The following HCN2 variants were observed in gnomAD, a reference collection of about 807,000 sequenced individuals.
HCN2 encodes hyperpolarization activated cyclic nucleotide gated potassium and sodium channel 2.
HCN2 carries 20 observed loss-of-function variants against 52.3 expected under a neutral mutation model. That is an observed-to-expected ratio of 0.38 (90% CI 0.27 to 0.56). HCN2 has a LOEUF of 0.56. Ranked by LOEUF, HCN2 falls within the 20% of genes least tolerant of loss-of-function variation. The pLI is 0.71. For missense variants in HCN2, 981 were observed against 1,207.7 expected (o/e 0.81, Z 2.78); for synonymous variants, 694 against 537.0 (o/e 1.29, Z -4.04).
intron 5 of HCN2, among the ~76,000 whole-genome samples, chr19:611,810 A>T (rs1983647351): frequency 6.6e-6 from 1 of 152,186 alleles, no homozygotes. Flanking sequence ...CACGCTACTT[A>T]GTCATTATTT....
At chr19:602,023 C>T (rs986074868) in intron 1 of HCN2, among the ~76,000 whole-genome samples, 1 of 151,424 alleles carries the variant, frequency 6.6e-6, no homozygotes, top group Non-Finnish European at 1.5e-5. Context: ...TTCCTCCCAC[C>T]CTCTCGGCCT....
At chr19:599,643 C>T (rs2144510685) in intron 1 of HCN2, among the ~76,000 whole-genome samples, 1 of 151,380 alleles carries the variant, frequency 6.6e-6, no homozygotes, top group Non-Finnish European at 1.5e-5. Context: ...AAAAAATTAT[C>T]TGGGCGTGGT....
At chr19:608,509 AGG>A (rs1316900840) in intron 4 of HCN2, among the ~76,000 whole-genome samples, 2 of 148,290 alleles carry the variant, frequency 1.3e-5, no homozygotes, top group African/African-American at 5.0e-5. Flanking sequence ...TGTGATTAGG[AGG>A]AGAAACGGCC....
chr19:608,114 A>T lies in HCN2; in HGVS notation c.1369A>T (p.Met457Leu). Residue 457 changes from methionine (M) to leucine (L), a missense_variant, in exon 4 of 8, where the codon ATG (methionine) becomes TTG (leucine). Physicochemically the swap from Met to Leu is conservative, Grantham distance 15 (BLOSUM62 2). Around this residue, in one of 6 missense-constraint regions of HCN2, gnomAD observed 282 missense variants for 553.8 expected, o/e 0.51. Transcript: ENST00000251287. ...GATTGTGGGTGCCACCTGCTACGCCATGTTCATCGGCCACGCCACTGCCCT... is the reference window on the plus strand; with the variant it reads ...GATTGTGGGTGCCACCTGCTACGCCTTGTTCATCGGCCACGCCACTGCCCT... ...SMIVGATCYA[M>L]FIGHATALIQ... 6.2e-7 allele frequency: 1 copy of T among 1,613,290 alleles called. No homozygotes were observed. Among genetic ancestry groups the T allele is most frequent in the Non-Finnish European group, 8.5e-7 (1 of 1,180,004 alleles).
At chr19:613,166 A>AG (rs1983719514) in intron 5 of HCN2, 82 bp from the exon 6 acceptor site, 1 of 1,490,696 alleles carries the variant, frequency 6.7e-7, no homozygotes, top group African/African-American at 1.4e-5. Context: ...GGGGTCCGAG[A>AG]GGTGAGCCGG....
At chr19:612,920 T>C (rs1035001253) in intron 5 of HCN2, among the ~76,000 whole-genome samples, 1 of 151,584 alleles carries the variant, frequency 6.6e-6, no homozygotes. Context: ...GCTCAAGCGA[T>C]CCTCCCGCCT....
chr19:614,113 G>C, intron 7 of HCN2, 97 bp downstream of exon 7: 1 of 747,164 alleles, frequency 1.3e-6, no homozygotes, highest in Non-Finnish European at 1.8e-6. Context: ...GCAGGGGGAA[G>C]GGCGTGGCTG....
chr19:599,331 C>T (rs1275132280), intron 1 of HCN2, among the ~76,000 whole-genome samples: 1 of 152,208 alleles, frequency 6.6e-6, no homozygotes, highest in Non-Finnish European at 1.5e-5. Context: ...GCTCCTGAAA[C>T]AAAGGTCCCG....
At chr19:615,505 C>T (rs1400899841) in intron 7 of HCN2, among the ~76,000 whole-genome samples, 2 of 152,206 alleles carry the variant, frequency 1.3e-5, no homozygotes, top group East Asian at 1.9e-4. Context: ...CAGAGCAAGA[C>T]TCCGTCTCAG....
chr19:609,192 C>T (rs1038697078), intron 4 of HCN2, among the ~76,000 whole-genome samples: 65 of 152,274 alleles, frequency 4.3e-4, no homozygotes, highest in African/African-American at 9.9e-4. Context: ...TCACGGGTTC[C>T]GCTGAGCTCA....
chr19:607,290 G>A (rs1040480677), intron 3 of HCN2, among the ~76,000 whole-genome samples: 1 of 152,258 alleles, frequency 6.6e-6, no homozygotes, highest in African/African-American at 2.4e-5. Context: ...TCAGGTTAGT[G>A]GCCAGTGAGC....
chr19:613,193 AG>A, intron 5 of HCN2, 54 bp from the exon 6 acceptor site: 1 of 1,552,074 alleles, frequency 6.4e-7, no homozygotes, highest in Non-Finnish European at 8.7e-7. Flanking sequence ...AGGCAGGGCG[AG>A]GGGGAAGCGG....
At chr19:597,797 G>A (rs567157438) in intron 1 of HCN2, among the ~76,000 whole-genome samples, 1 of 150,850 alleles carries the variant, frequency 6.6e-6, no homozygotes, top group Non-Finnish European at 1.5e-5. Flanking sequence ...AGGCCCTCCT[G>A]GTGGTTTCTA....
At chr19:602,549 C>G (rs909135947) in intron 1 of HCN2, among the ~76,000 whole-genome samples, 2 of 152,328 alleles carry the variant, frequency 1.3e-5, no homozygotes, top group Non-Finnish European at 2.9e-5. Context: ...CACCTCCCGG[C>G]GTGAGCTGAG....
intron 7 of HCN2, among the ~76,000 whole-genome samples, chr19:615,544 C>T (rs1293802458): frequency 2.0e-5 from 3 of 152,142 alleles, no homozygotes; most frequent in African/African-American, 7.2e-5. Flanking sequence ...GCCCTGCTTT[C>T]TGTATGCAGG....
chr19:614,712 C>T (rs1325610547), intron 7 of HCN2, among the ~76,000 whole-genome samples: 1 of 151,820 alleles, frequency 6.6e-6, no homozygotes, highest in East Asian at 1.9e-4. Flanking sequence ...TCAGGAGCAT[C>T]AGGGAGCCAT....
intron 1 of HCN2, among the ~76,000 whole-genome samples, chr19:602,674 G>GTC (rs1983247038): frequency 6.6e-6 from 1 of 152,196 alleles, no homozygotes; most frequent in African/African-American, 2.4e-5. Context: ...CTGCTCCTCT[G>GTC]CTGTCCTGTC....
intron 1 of HCN2, among the ~76,000 whole-genome samples, chr19:596,436 C>T (rs1394589010): frequency 6.6e-6 from 1 of 152,144 alleles, no homozygotes; most frequent in Admixed American, 6.5e-5. Flanking sequence ...AGGGACCCAG[C>T]CTCATCCCGG....
chr19:607,903 G>T, intron 3 of HCN2, 61 bp from the exon 4 acceptor site: 1 of 1,346,982 alleles, frequency 7.4e-7, no homozygotes, highest in South Asian at 1.2e-5. Context: ...GGCCCTTGAG[G>T]ACCGAGGGCT....
Sources: allele counts gnomAD v4.1 joint callset (sites outside exome capture counted in the v4.1 genomes callset), GRCh38; gene constraint gnomAD v4.1.1; regional missense constraint gnomAD v4.1.1; transcripts MANE v1.5; gene names NCBI Gene and HGNC (gene_info 2026-07-23, HGNC 2026-07-21).